The following NXN variants were observed in gnomAD, a reference collection of about 807,000 sequenced individuals.
The protein encoded by NXN is nucleoredoxin, also known as nucleoredoxin 1.
Under a neutral mutation model 48.6 loss-of-function variants are expected in NXN, and 16 were observed. That is an observed-to-expected ratio of 0.33 (90% CI 0.22 to 0.50). The LOEUF is 0.50. Among genes scored for constraint, NXN ranks in the 20% least tolerant of loss-of-function variants. The probability of loss-of-function intolerance (pLI) is 0.98; values close to 1 mark genes in which losing one functional copy is unlikely to be tolerated. For synonymous variants in NXN, 281 were observed against 269.6 expected (o/e 1.04, Z -0.41); for missense variants, 492 against 605.5 (o/e 0.81, Z 1.97).
At chr17:801,541 G>C (rs1911212405) in intron 7 of NXN, among the ~76,000 whole-genome samples, 1 of 142,284 alleles carries the variant, frequency 7.0e-6, no homozygotes. Context: ...CACCTCCCGG[G>C]TTTAAGCAAT....
intron 1 of NXN, among the ~76,000 whole-genome samples, chr17:936,340 C>G (rs1168550528): frequency 6.6e-6 from 1 of 152,054 alleles, no homozygotes; most frequent in African/African-American, 2.4e-5. Context: ...GGAAGAGCCG[C>G]CCTCCCTCTG....
intron 1 of NXN, among the ~76,000 whole-genome samples, chr17:940,538 C>T (rs546406293): frequency 6.6e-6 from 1 of 152,348 alleles, no homozygotes; most frequent in East Asian, 1.9e-4. Context: ...AAGACATCAC[C>T]CAGACCCTTT....
intron 1 of NXN, chr17:930,497 C>T (rs11867444): frequency 0.27 from 40,272 of 151,660 alleles, 6,576 homozygotes; most frequent in East Asian, 0.4. Context: ...ACAACAATGC[C>T]CCTATTGATT....
chr17:961,123 G>A (rs1435713925), intron 1 of NXN, among the ~76,000 whole-genome samples: 2 of 151,812 alleles, frequency 1.3e-5, no homozygotes, highest in Non-Finnish European at 2.9e-5. Context: ...GCTGGGCACA[G>A]TGGCTCATGC....
At chr17:891,267 A>G (rs2068414211) in intron 1 of NXN, among the ~76,000 whole-genome samples, 2 of 152,034 alleles carry the variant, frequency 1.3e-5, no homozygotes, top group Non-Finnish European at 2.9e-5. Flanking sequence ...AGGTCTCATC[A>G]TATTGCTGAG....
At chr17:886,102 C>T (rs914804669) in intron 1 of NXN, among the ~76,000 whole-genome samples, 1 of 152,042 alleles carries the variant, frequency 6.6e-6, no homozygotes, top group African/African-American at 2.4e-5. Context: ...CCAGGTGGAG[C>T]CCATCAGAAA....
intron 1 of NXN, among the ~76,000 whole-genome samples, chr17:953,275 C>T (rs1310536662): frequency 6.6e-6 from 1 of 152,090 alleles, no homozygotes; most frequent in African/African-American, 2.4e-5. Context: ...ATTAGCCAGG[C>T]ATGGTGGCTC....
intron 1 of NXN, among the ~76,000 whole-genome samples, chr17:886,007 C>T (rs2068343374): frequency 6.6e-6 from 1 of 152,000 alleles, no homozygotes; most frequent in East Asian, 1.9e-4. Flanking sequence ...ACTTTTAATG[C>T]TCCTTAGAAA....
At chr17:843,052 G>GAAAGAAAGAA (rs1555613142) in intron 1 of NXN, among the ~76,000 whole-genome samples, 10 of 114,918 alleles carry the variant, frequency 8.7e-5, no homozygotes, top group African/African-American at 3.5e-4. Context: ...AAGAAAGAAA[G>GAAAGAAAGAA]AAAGAAGGAA....
chr17:924,428 G>T (rs1471178224), intron 1 of NXN, among the ~76,000 whole-genome samples: 1 of 152,196 alleles, frequency 6.6e-6, no homozygotes, highest in Non-Finnish European at 1.5e-5. Flanking sequence ...GTAGAGATGG[G>T]GTTTCACCAT....
chr17:873,130 T>C, intron 1 of NXN, among the ~76,000 whole-genome samples: 1 of 152,188 alleles, frequency 6.6e-6, no homozygotes, highest in East Asian at 1.9e-4. Context: ...TCAGTTCTCC[T>C]GGGTCTCCAG....
At chr17:935,736 CA>C (rs2068901036) in intron 1 of NXN, among the ~76,000 whole-genome samples, 1 of 152,116 alleles carries the variant, frequency 6.6e-6, no homozygotes, top group Non-Finnish European at 1.5e-5. Flanking sequence ...TCCTGCAGAA[CA>C]AAGCCAGCTT....
intron 5 of NXN, among the ~76,000 whole-genome samples, chr17:813,794 T>C (rs748207062): frequency 2.9e-4 from 43 of 150,266 alleles, no homozygotes; most frequent in Admixed American, 9.3e-4. Context: ...GGAGAAACTC[T>C]GTCTCTACTA....
At chr17:924,715 C>CTCCGT (rs56853234) in intron 1 of NXN, among the ~76,000 whole-genome samples, 2,153 of 151,986 alleles carry the variant, frequency 0.014, 36 homozygotes, top group African/African-American at 0.046. Flanking sequence ...TAAAGACTAA[C>CTCCGT]TCCGTTCCGT....
At chr17:960,671 T>C (rs534939351) in intron 1 of NXN, among the ~76,000 whole-genome samples, 6 of 151,944 alleles carry the variant, frequency 3.9e-5, no homozygotes, top group South Asian at 4.2e-4. Flanking sequence ...AGAAACAAGG[T>C]CTTGCTATAT....
intron 1 of NXN, chr17:879,946 A>C (rs894592329): frequency 1.3e-5 from 2 of 152,200 alleles, no homozygotes; most frequent in African/African-American, 2.4e-5. Context: ...GAAAGTGACA[A>C]ACAAAATGAC....
chr17:935,445 C>T (rs929456028), intron 1 of NXN, among the ~76,000 whole-genome samples: 3 of 152,078 alleles, frequency 2.0e-5, no homozygotes, highest in South Asian at 2.1e-4. Flanking sequence ...GGGAGGCTTC[C>T]GCTCGGTCAT....
At chr17:816,860 G>A (rs980812767) in intron 5 of NXN, among the ~76,000 whole-genome samples, 7 of 152,108 alleles carry the variant, frequency 4.6e-5, no homozygotes, top group African/African-American at 1.2e-4. Flanking sequence ...GACCACTGGC[G>A]TAGGGGCATC....
chr17:858,396 GAACCAC>G (rs1379113983), intron 1 of NXN, among the ~76,000 whole-genome samples: 1 of 152,074 alleles, frequency 6.6e-6, no homozygotes, highest in Non-Finnish European at 1.5e-5. Flanking sequence ...TGACATGAAA[GAACCAC>G]AAAGGTGATA....
Sources: gnomAD v4.1 joint callset for allele counts (sites outside exome capture counted in the v4.1 genomes callset) on GRCh38, gnomAD v4.1.1 for gene constraint, MANE v1.5 for transcripts, NCBI Gene and HGNC (gene_info 2026-07-23, HGNC 2026-07-21) for gene names.